Variants in EIF4ENIF1 observed in about 807,000 individuals in gnomAD.
EIF4ENIF1 encodes eukaryotic translation initiation factor 4E nuclear import factor 1, also known as eukaryotic translation initiation factor 4E transporter.
EIF4ENIF1 carries 23 observed loss-of-function variants against 110.5 expected under a neutral mutation model. That is an observed-to-expected ratio of 0.21 (90% CI 0.15 to 0.29). The LOEUF (loss-of-function observed/expected upper bound fraction) is 0.29. EIF4ENIF1 is among the 10% of genes least tolerant of loss of function. The pLI is 1.00. For missense variants in EIF4ENIF1, 1,031 were observed against 1,221.1 expected, an observed-to-expected ratio of 0.84 and a Z score of 2.32; for synonymous variants, 440 against 437.0, an observed-to-expected ratio of 1.01 and a Z score of -0.09.
At chr22:31,460,505 C>T (rs928783400) in intron 6 of EIF4ENIF1, among the ~76,000 whole-genome samples, 4 of 151,358 alleles carry the variant, frequency 2.6e-5, no homozygotes, top group African/African-American at 7.3e-5. Flanking sequence ...TGTTGGCACG[C>T]GCCTGTAGTT....
intron 10 of EIF4ENIF1, chr22:31,451,023 GGTGT>G: frequency 6.6e-6 from 1 of 152,504 alleles, no homozygotes. Context: ...TGGGACTACA[GGTGT>G]ATGCCACCAC....
At chr22:31,467,528 G>A (rs964978481) in intron 4 of EIF4ENIF1, among the ~76,000 whole-genome samples, 2 of 152,096 alleles carry the variant, frequency 1.3e-5, no homozygotes, top group Non-Finnish European at 2.9e-5. Context: ...TATGAATTAA[G>A]AATTGCCAGA....
intron 3 of EIF4ENIF1, among the ~76,000 whole-genome samples, chr22:31,470,968 C>T (rs1232162763): frequency 2.7e-5 from 4 of 149,598 alleles, no homozygotes; most frequent in Admixed American, 6.7e-5. Flanking sequence ...GCCCAGATCG[C>T]GCCAATGCAC....
chr22:31,488,869 A>G, intron 1 of EIF4ENIF1, 124 bp from the exon 2 acceptor site: 1 of 1,087,608 alleles, frequency 9.2e-7, no homozygotes. Context: ...ACAAGTCCCC[A>G]CCCCAAAATT....
chr22:31,483,416 TG>T (rs1472251893), intron 2 of EIF4ENIF1, among the ~76,000 whole-genome samples: 1 of 151,948 alleles, frequency 6.6e-6, no homozygotes, highest in Non-Finnish European at 1.5e-5. Context: ...CTGCCCAGGC[TG>T]GTCTTGAACT....
At chr22:31,477,691 G>A (rs1186576784) in intron 2 of EIF4ENIF1, among the ~76,000 whole-genome samples, 1 of 152,152 alleles carries the variant, frequency 6.6e-6, no homozygotes, top group Non-Finnish European at 1.5e-5. Flanking sequence ...AACATTATTT[G>A]TGCCAGGGCG....
At chr22:31,468,581 G>C (rs2051267388) in intron 3 of EIF4ENIF1, among the ~76,000 whole-genome samples, 1 of 152,136 alleles carries the variant, frequency 6.6e-6, no homozygotes. Context: ...TTTTAGTAGA[G>C]ATGGGGTTTC....
chr22:31,447,497 C>T lies in EIF4ENIF1; in HGVS notation c.1917G>A (p.Gln639=), dbSNP rs2050511911. 2.5e-6 allele frequency: 4 copies of T among 1,612,976 alleles called. No individual in the cohort carries two copies. Among genetic ancestry groups the T allele is most frequent in the Admixed American group, 1.7e-5 (1 of 59,838 alleles). ...GLALPHDLAV[Q]AANFYQPGFG... ...AACCAGGCTGGTAGAAGTTTGCTGC[C>T]TGTACAGCAAGGTCATGTGGCAAGG... The change falls in exon 14 of 19, where the codon CAG becomes CAA. Residue 639 remains glutamine (Q), a synonymous_variant. Coordinates refer to ENST00000330125, the MANE Select transcript of EIF4ENIF1 (RefSeq NM_019843.4).
At position 31,471,831 on chromosome 22, in the gene EIF4ENIF1, A is replaced by G; in HGVS notation, c.170+13T>C. On this transcript the variant is annotated intron_variant, in intron 3 of 18. Coordinates refer to ENST00000330125, the MANE Select transcript of EIF4ENIF1 (RefSeq NM_019843.4). ...TGACTAGAAGTAGTTAAGGACTAGA[A>G]TGACACACATACCTGTCATATTTTT... 6.3e-7 allele frequency: 1 copy of G among 1,594,184 alleles called. No individual in the cohort carries two copies. The highest frequency in any genetic ancestry group is 8.5e-7 in the Non-Finnish European group (1 of 1,173,444).
intron 7 of EIF4ENIF1, among the ~76,000 whole-genome samples, chr22:31,458,259 T>C (rs1011496397): frequency 2.0e-5 from 3 of 151,604 alleles, no homozygotes; most frequent in African/African-American, 7.3e-5. Flanking sequence ...AAAGAATTTT[T>C]AGTCTAACAC....
chr22:31,441,839 C>G lies in EIF4ENIF1; in HGVS notation c.2486G>C (p.Gly829Ala). 6.2e-7 allele frequency: 1 copy of G among 1,614,080 alleles called. No individual in the cohort carries two copies. Among genetic ancestry groups the G allele is most frequent in the Non-Finnish European group, 8.5e-7 (1 of 1,180,012 alleles). Reference sequence around the variant, plus strand: ...CTGGGCCAGCATCCTCTGTACCAACCCTGGGTGAAGCTGGTGAGCAGGCCT... The same window carrying G: ...CTGGGCCAGCATCCTCTGTACCAACGCTGGGTGAAGCTGGTGAGCAGGCCT... ...MVRPAHQLHP[G>A]LVQRMLAQGV... The change falls in exon 17 of 19, where the codon GGG becomes GCG. Residue 829 changes from glycine to alanine, a missense_variant. By Grantham distance (60) the Gly-to-Ala change is moderately conservative. This residue lies in a region of EIF4ENIF1 where 309 missense variants were observed against 299.1 expected (regional missense o/e 1.03). Transcript: ENST00000330125.
rs931149986 is a variant in EIF4ENIF1, at chr22:31,457,905, A to G, written c.963+570T>C. Among the ~76,000 whole-genome samples, 10 of 152,268 alleles carry G rather than the reference A, an allele frequency of 6.6e-5. 1 individual carries two copies. The South Asian group carries it at 1.9e-3, about 28-fold the overall frequency. Reference sequence around the variant, plus strand: ...AATTGGGGAGTGTATCCAAAATATAAGCATCTTAGTGATAAACAGGAATTC... The same window carrying G: ...AATTGGGGAGTGTATCCAAAATATAGGCATCTTAGTGATAAACAGGAATTC... On this transcript the variant is annotated intron_variant, in intron 7 of 18. Transcript: ENST00000330125.
intron 2 of EIF4ENIF1, among the ~76,000 whole-genome samples, chr22:31,483,680 G>C (rs983694496): frequency 6.6e-6 from 1 of 152,042 alleles, no homozygotes; most frequent in Non-Finnish European, 1.5e-5. Context: ...GCTAATGCTA[G>C]TTCAGGGAGC....
At chr22:31,445,821 G>A (rs1010793335) in intron 14 of EIF4ENIF1, among the ~76,000 whole-genome samples, 1 of 152,156 alleles carries the variant, frequency 6.6e-6, no homozygotes, top group Non-Finnish European at 1.5e-5. Flanking sequence ...TGTACACAGG[G>A]AGGACCTAAG....
At chr22:31,475,721 T>TG (rs35561657) in intron 2 of EIF4ENIF1, among the ~76,000 whole-genome samples, 2 of 133,866 alleles carry the variant, frequency 1.5e-5, no homozygotes, top group African/African-American at 5.6e-5. Context: ...AGACTCCGTT[T>TG]AAAAAAAAAA....
intron 7 of EIF4ENIF1, among the ~76,000 whole-genome samples, chr22:31,456,282 G>GGT (rs2050811216): frequency 6.7e-6 from 1 of 148,160 alleles, no homozygotes; most frequent in Non-Finnish European, 1.5e-5. Context: ...GGAGTGCAGT[G>GGT]GCACGATCTC....
intron 7 of EIF4ENIF1, among the ~76,000 whole-genome samples, chr22:31,458,090 T>C (rs1162718135): frequency 1.3e-5 from 2 of 152,044 alleles, no homozygotes; most frequent in African/African-American, 4.8e-5. Flanking sequence ...TAGCTGGGCA[T>C]GGTGGCACAC....
intron 7 of EIF4ENIF1, among the ~76,000 whole-genome samples, chr22:31,456,285 A>T (rs541364181): frequency 2.8e-5 from 4 of 143,940 alleles, no homozygotes; most frequent in South Asian, 4.3e-4. Context: ...GTGCAGTGGC[A>T]CGATCTCGGC....
downstream of EIF4ENIF1, among the ~76,000 whole-genome samples, chr22:31,438,020 A>G (rs930864477): frequency 6.6e-6 from 1 of 152,186 alleles, no homozygotes; most frequent in Admixed American, 6.5e-5. Flanking sequence ...GTATTCCTGC[A>G]AGTACACGGC....
Sources: gnomAD v4.1 joint callset for allele counts (sites outside exome capture counted in the v4.1 genomes callset) on GRCh38, gnomAD v4.1.1 for gene constraint, gnomAD v4.1.1 regional missense constraint, MANE v1.5 for transcripts, NCBI Gene and HGNC (gene_info 2026-07-23, HGNC 2026-07-21) for gene names.